Variants in SNRPF observed in about 807,000 individuals in gnomAD.
SNRPF encodes small nuclear ribonucleoprotein polypeptide F, also known as small nuclear ribonucleoprotein F.
Under a neutral mutation model 13.4 loss-of-function variants are expected in SNRPF, and 1 was observed. The ratio of observed to expected loss-of-function variants is 0.07; its 90% confidence interval spans 0.03 to 0.35. SNRPF has a LOEUF of 0.35. Ranked by LOEUF, SNRPF falls within the 10% of genes least tolerant of loss-of-function variation. The probability of loss-of-function intolerance (pLI) is 0.99; values close to 1 mark genes in which losing one functional copy is unlikely to be tolerated. For synonymous variants in SNRPF, 27 were observed against 32.1 expected (o/e 0.84, Z 0.54); for missense variants, 53 against 101.0 (o/e 0.52, Z 2.04).
chr12:95,859,181 G>C, intron 1 of SNRPF, 105 bp downstream of exon 1: 1 of 1,011,326 alleles, frequency 9.9e-7, no homozygotes, highest in Non-Finnish European at 1.5e-6. Context: ...TCATCCGCGT[G>C]AGGCGCCGCG....
chr12:95,865,437 A>T (rs1276661102), intron 3 of SNRPF, 49 bp downstream of exon 3: 1 of 854,732 alleles, frequency 1.2e-6, no homozygotes, highest in Non-Finnish European at 2.0e-6. Flanking sequence ...GAGCATTAGG[A>T]ATACCTGTTC....
intron 2 of SNRPF, among the ~76,000 whole-genome samples, chr12:95,864,457 G>A (rs2079511871): frequency 6.6e-6 from 1 of 152,190 alleles, no homozygotes; most frequent in Non-Finnish European, 1.5e-5. Flanking sequence ...TGTAGGTAAA[G>A]TAAGAAGAGC....
Position 95,861,179 on chromosome 12 carries a change from C to T in SNRPF, c.15C>T (p.Leu5=), listed in dbSNP as rs758321241. Reference sequence around the variant, plus strand: ...TGTTCTTTGTGCAGAGTTTACCCCTCAATCCCAAACCTTTCCTCAATGGAC... The same window carrying T: ...TGTTCTTTGTGCAGAGTTTACCCCTTAATCCCAAACCTTTCCTCAATGGAC... MSLP[L]NPKPFLNGLT... Residue 5 remains leucine, a synonymous_variant, in exon 2 of 4, where the codon CTC becomes CTT. Transcript: ENST00000266735. The T allele has an allele frequency of 1.2e-6, 2 of 1,610,730 alleles. No individual in the cohort carries two copies. The highest frequency in any genetic ancestry group is 2.7e-5 in the African/African-American group (2 of 74,802).
At chr12:95,860,766 T>C (rs1463989907) in intron 1 of SNRPF, among the ~76,000 whole-genome samples, 2 of 151,812 alleles carry the variant, frequency 1.3e-5, no homozygotes, top group African/African-American at 4.8e-5. Context: ...CCTGGGCTGG[T>C]CTTGAACTCG....
rs1337159758 is a variant in SNRPF at position 95,858,982 on chromosome 12, G to T, written c.-92G>T. The stretch of plus-strand genomic sequence containing the variant: ...TGGCGGCCATTTCTCTTGAAACTGC[G>T]GCTCGGGACCTGCGGTACCTGCTGT... On this transcript the variant is annotated 5_prime_UTR_variant, in exon 1 of 4. Coordinates refer to ENST00000266735, the MANE Select transcript of SNRPF (RefSeq NM_003095.5). 1.9e-6 allele frequency: 3 copies of T among 1,584,886 alleles called. No individual in the cohort carries two copies. The highest frequency in any genetic ancestry group is 1.3e-5 in the African/African-American group (1 of 74,554).
At chr12:95,863,709 G>A (rs543905210) in intron 2 of SNRPF, among the ~76,000 whole-genome samples, 1 of 152,324 alleles carries the variant, frequency 6.6e-6, no homozygotes, top group East Asian at 1.9e-4. Context: ...AAGACAGTAT[G>A]TGCAATATTA....
At chr12:95,863,387 A>G (rs1452951092) in intron 2 of SNRPF, among the ~76,000 whole-genome samples, 3 of 152,248 alleles carry the variant, frequency 2.0e-5, no homozygotes, top group African/African-American at 7.2e-5. Flanking sequence ...TGCTATGGAA[A>G]TTAACATCTC....
intron 2 of SNRPF, 74 bp downstream of exon 2, chr12:95,861,367 G>A: frequency 7.3e-7 from 1 of 1,376,174 alleles, no homozygotes; most frequent in Non-Finnish European, 1.0e-6. Flanking sequence ...GGTTTAGTCT[G>A]ACTAATAAGA....
At chr12:95,859,216 T>A (rs1370003707) in intron 1 of SNRPF, 140 bp downstream of exon 1, 7 of 683,664 alleles carry the variant, frequency 1.0e-5, no homozygotes, top group Non-Finnish European at 1.7e-5. Flanking sequence ...CTCCTTTCAC[T>A]CTGCTTTTAG....
At chr12:95,863,939 A>G (rs926962919) in intron 2 of SNRPF, among the ~76,000 whole-genome samples, 2 of 152,184 alleles carry the variant, frequency 1.3e-5, no homozygotes, top group Non-Finnish European at 2.9e-5. Context: ...TGGCGGCCAT[A>G]GAGAGCCTGT....
At chr12:95,862,237 G>T (rs986534533) in intron 2 of SNRPF, among the ~76,000 whole-genome samples, 3 of 152,026 alleles carry the variant, frequency 2.0e-5, no homozygotes, top group Non-Finnish European at 4.4e-5. Context: ...CCATTATATG[G>T]ATATACCACA....
At chr12:95,859,371 A>G (rs2079482834) in intron 1 of SNRPF, among the ~76,000 whole-genome samples, 1 of 152,164 alleles carries the variant, frequency 6.6e-6, no homozygotes, top group African/African-American at 2.4e-5. Context: ...TGCACTTCCC[A>G]CTTAACCACA....
chr12:95,865,767 C>A (rs539241546), intron 3 of SNRPF, among the ~76,000 whole-genome samples: 7 of 152,032 alleles, frequency 4.6e-5, no homozygotes, highest in Middle Eastern at 3.4e-3. Context: ...GTAATTATTT[C>A]CTTTGGAAAA....
intron 2 of SNRPF, chr12:95,861,728 A>G: frequency 6.3e-6 from 1 of 159,854 alleles, no homozygotes; most frequent in Non-Finnish European, 1.3e-5. Flanking sequence ...AAAGGAATTG[A>G]ACTGACTGTA....
rs1341669421 is a variant in SNRPF at position 95,865,140 on chromosome 12, G to T, written c.130-184G>T. 7.5e-6 allele frequency: 3 copies of T among 402,426 alleles called. No homozygotes were observed. In the East Asian group the frequency reaches 1.1e-4, roughly 15 times the overall value. 24.9% of individuals were successfully genotyped at this position (402,426 alleles called of 1,614,324 possible). ...GCTTTGAATATTAATTTCGTTGAAG[G>T]TTTATATGAAACCAAAAGTACTACA... is the stretch of plus-strand genomic sequence containing the variant. On this transcript the variant is annotated intron_variant, in intron 2 of 3. Coordinates refer to ENST00000266735, the MANE Select transcript of SNRPF (RefSeq NM_003095.5).
Position 95,861,200 on chromosome 12 carries a change from T to C in SNRPF, c.36T>C (p.Asn12=). 6.2e-7 allele frequency: 1 copy of C among 1,612,164 alleles called. No homozygotes were observed. Among genetic ancestry groups the C allele is most frequent in the Non-Finnish European group, 8.5e-7 (1 of 1,178,860 alleles). The change falls in exon 2 of 4, where the codon AAT becomes AAC. Residue 12 remains asparagine (N), a synonymous_variant. Coordinates refer to ENST00000266735, the MANE Select transcript of SNRPF (RefSeq NM_003095.5). ...SLPLNPKPFL[N]GLTGKPVMVK... ...CCCTCAATCCCAAACCTTTCCTCAA[T>C]GGACTAACAGGAAAGCCAGTGATGG...
At chr12:95,862,678 A>G (rs1019304202) in intron 2 of SNRPF, among the ~76,000 whole-genome samples, 1 of 151,972 alleles carries the variant, frequency 6.6e-6, no homozygotes, top group Admixed American at 6.6e-5. Flanking sequence ...TGATCACTGC[A>G]CTCTAGCCTG....
chr12:95,862,562 A>G (rs778873881), intron 2 of SNRPF, among the ~76,000 whole-genome samples: 4 of 152,184 alleles, frequency 2.6e-5, no homozygotes, highest in Admixed American at 1.3e-4. Flanking sequence ...AAAAAATACA[A>G]AAACTAGCTA....
At chr12:95,863,282 T>C (rs74393306) in intron 2 of SNRPF, among the ~76,000 whole-genome samples, 8,770 of 152,244 alleles carry the variant, frequency 0.058, 526 homozygotes, top group African/African-American at 0.15. Context: ...ATATGAATTG[T>C]GATGAAAATA....
Sources: gnomAD v4.1 joint callset for allele counts (sites outside exome capture counted in the v4.1 genomes callset) on GRCh38, gnomAD v4.1.1 for gene constraint, MANE v1.5 for transcripts, NCBI Gene and HGNC (gene_info 2026-07-23, HGNC 2026-07-21) for gene names.